XRN2: variants seen among roughly 807,000 people sequenced by gnomAD.
XRN2 encodes the protein DHM1-like protein.
Under a neutral mutation model 138.5 loss-of-function variants are expected in XRN2, and 44 were observed. That is an observed-to-expected ratio of 0.32 (90% confidence interval 0.25 to 0.41). The LOEUF (loss-of-function observed/expected upper bound fraction) is 0.41, where lower values mean the gene tolerates loss of function less well. Among genes scored for constraint, XRN2 ranks in the 10% least tolerant of loss-of-function variants. XRN2 has a pLI of 1.00. For synonymous variants in XRN2, 354 were observed against 369.4 expected, an observed-to-expected ratio of 0.96 and a Z score of 0.48; for missense variants, 937 against 1,169.3, an observed-to-expected ratio of 0.80 and a Z score of 2.90.
chr20:21,364,160 T>A (rs1160265667), intron 24 of XRN2, among the ~76,000 whole-genome samples: 1 of 152,196 alleles, frequency 6.6e-6, no homozygotes, highest in African/African-American at 2.4e-5. Flanking sequence ...CTCGATCTCC[T>A]GACCTTGTGA....
chr20:21,383,017 A>G (rs17664427), intron 28 of XRN2, among the ~76,000 whole-genome samples: 1 of 152,172 alleles, frequency 6.6e-6, no homozygotes, highest in African/African-American at 2.4e-5. Flanking sequence ...GTTTTTATAA[A>G]TGGGATTCTA....
At chr20:21,308,734 A>G (rs2037837628) in intron 1 of XRN2, among the ~76,000 whole-genome samples, 1 of 152,198 alleles carries the variant, frequency 6.6e-6, no homozygotes, top group Non-Finnish European at 1.5e-5. Context: ...TTAGTTTGAT[A>G]TATCTTTTGC....
At chr20:21,370,692 A>C (rs965930547) in intron 27 of XRN2, among the ~76,000 whole-genome samples, 2 of 152,240 alleles carry the variant, frequency 1.3e-5, no homozygotes, top group African/African-American at 4.8e-5. Flanking sequence ...TGGACAGGTC[A>C]GAAATGTTGA....
At chr20:21,368,188 A>T (rs1429050710) in intron 26 of XRN2, among the ~76,000 whole-genome samples, 1 of 152,242 alleles carries the variant, frequency 6.6e-6, no homozygotes, top group Non-Finnish European at 1.5e-5. Context: ...ATGCAAAAAA[A>T]GAAAAATATG....
At chr20:21,320,618 A>G (rs372705988) in intron 1 of XRN2, among the ~76,000 whole-genome samples, 1 of 149,454 alleles carries the variant, frequency 6.7e-6, no homozygotes. Context: ...TATTTTTGAG[A>G]TGGAGTCTTG....
At chr20:21,317,027 A>G (rs955029313) in intron 1 of XRN2, among the ~76,000 whole-genome samples, 6 of 152,202 alleles carry the variant, frequency 3.9e-5, no homozygotes, top group African/African-American at 1.4e-4. Flanking sequence ...GATTTTCTAT[A>G]TACACAATCA....
chr20:21,311,031 G>A (rs888581283), intron 1 of XRN2, among the ~76,000 whole-genome samples: 8 of 152,144 alleles, frequency 5.3e-5, no homozygotes, highest in Admixed American at 2.0e-4. Flanking sequence ...GATTACAGGC[G>A]TGAGCCACTG....
chr20:21,373,396 G>T (rs1056288114), intron 27 of XRN2, among the ~76,000 whole-genome samples: 2 of 152,176 alleles, frequency 1.3e-5, no homozygotes, highest in African/African-American at 4.8e-5. Context: ...GTTGGTTTCT[G>T]GTTTGAGGTT....
chr20:21,358,052 G>A (rs1303667745), intron 24 of XRN2, among the ~76,000 whole-genome samples: 1 of 152,128 alleles, frequency 6.6e-6, no homozygotes, highest in Non-Finnish European at 1.5e-5. Flanking sequence ...CCTGGATTAG[G>A]CAAGTGGGAG....
intron 20 of XRN2, among the ~76,000 whole-genome samples, chr20:21,351,364 C>T (rs957329694): frequency 2.6e-5 from 4 of 152,130 alleles, no homozygotes; most frequent in Non-Finnish European, 1.5e-5. Context: ...TACTGAACAT[C>T]GTTTCATGTC....
rs899027375 is a variant in XRN2 at position 21,344,460 on chromosome 20, G to C, written c.1529+252G>C. On this transcript the variant is annotated intron_variant, in intron 16 of 29. Transcript: ENST00000377191. ...TCCTCCAATCCACTTTTCCCTCTGAGACCAGGCACAAGATCGGCTAGATAT... is the reference window on the plus strand; with the variant it reads ...TCCTCCAATCCACTTTTCCCTCTGACACCAGGCACAAGATCGGCTAGATAT... Among the ~76,000 whole-genome samples the C allele has an allele frequency of 1.6e-4, 25 of 152,114 alleles. 1 individual carries two copies. Among genetic ancestry groups the C allele is most frequent in the Non-Finnish European group, 2.9e-4 (20 of 68,018 alleles).
chr20:21,383,158 G>A (rs1201150247), intron 28 of XRN2, among the ~76,000 whole-genome samples: 16 of 152,182 alleles, frequency 1.1e-4, no homozygotes, highest in Admixed American at 1.0e-3. Flanking sequence ...CTTAGTGCAA[G>A]TCTCATTAAA....
rs572337633 is a variant in XRN2 at position 21,314,179 on chromosome 20, C to A, written c.75+10706C>A. 2.0e-5 allele frequency among the ~76,000 whole-genome samples: 3 copies of A among 152,284 alleles called. No homozygotes were observed. The East Asian group carries it at 5.8e-4, about 29-fold the overall frequency. On this transcript the variant is annotated intron_variant, in intron 1 of 29. Transcript: ENST00000377191. ...GTCTGGACTTTCACATGAGAGGAAT[C>A]TATAGAATATGGTCGTTTCTGGCTG...
At chr20:21,340,995 G>A (rs1488479188) in intron 15 of XRN2, 143 bp downstream of exon 15, 5 of 868,292 alleles carry the variant, frequency 5.8e-6, no homozygotes, top group Non-Finnish European at 8.8e-6. Flanking sequence ...GAAATGTTTA[G>A]TTCTGTTAAG....
At chr20:21,331,086 G>A (rs547199585) in intron 6 of XRN2, among the ~76,000 whole-genome samples, 1 of 152,258 alleles carries the variant, frequency 6.6e-6, no homozygotes, top group South Asian at 2.1e-4. Context: ...TAAATAATAT[G>A]TAAATGAACT....
chr20:21,327,416 A>G (rs2038143461), intron 3 of XRN2, among the ~76,000 whole-genome samples: 1 of 152,218 alleles, frequency 6.6e-6, no homozygotes, highest in South Asian at 2.1e-4. Flanking sequence ...CTAGCGGCTA[A>G]TGGGATGATT....
chr20:21,309,107 ATTGTGTCTC>A (rs1367958556), intron 1 of XRN2, among the ~76,000 whole-genome samples: 3 of 152,220 alleles, frequency 2.0e-5, no homozygotes, highest in Non-Finnish European at 4.4e-5. Context: ...ATTCTTGAGA[ATTGTGTCTC>A]TGTTCACAAA....
chr20:21,322,614 C>G (rs2038061918), intron 1 of XRN2, among the ~76,000 whole-genome samples: 1 of 152,122 alleles, frequency 6.6e-6, no homozygotes, highest in Non-Finnish European at 1.5e-5. Flanking sequence ...GTGGTTTCTC[C>G]TCATAAGGTT....
chr20:21,313,403 G>A (rs549913161), intron 1 of XRN2, among the ~76,000 whole-genome samples: 43 of 152,316 alleles, frequency 2.8e-4, no homozygotes, highest in African/African-American at 9.9e-4. Context: ...AAATGACTGC[G>A]AAAGTACCAT....
Sources: allele counts gnomAD v4.1 joint callset (sites outside exome capture counted in the v4.1 genomes callset), GRCh38; gene constraint gnomAD v4.1.1; transcripts MANE v1.5; gene names NCBI Gene and HGNC (gene_info 2026-07-23, HGNC 2026-07-21).